GNA14: variants seen among roughly 807,000 people sequenced by gnomAD.
The protein encoded by GNA14 is G protein subunit alpha 14.
A neutral mutation model predicts 42.0 loss-of-function variants in GNA14; 50 were observed. That is an observed-to-expected ratio of 1.19 (90% confidence interval 0.95 to 1.51). The LOEUF is 1.51. Ranked by LOEUF, GNA14 falls within the 40% of genes most tolerant of loss-of-function variation. The pLI is 0.00. For missense variants in GNA14, 473 were observed against 446.2 expected, an observed-to-expected ratio of 1.06 and a Z score of -0.54; for synonymous variants, 173 against 163.1, an observed-to-expected ratio of 1.06 and a Z score of -0.46.
intron 2 of GNA14, among the ~76,000 whole-genome samples, chr9:77,440,896 A>C (rs1026424918): frequency 6.6e-6 from 1 of 152,174 alleles, no homozygotes; most frequent in Non-Finnish European, 1.5e-5. Flanking sequence ...TTGTATTTTT[A>C]GTAGAGATGG....
chr9:77,577,743 C>G (rs548743307), intron 1 of GNA14, among the ~76,000 whole-genome samples: 1 of 152,266 alleles, frequency 6.6e-6, no homozygotes, highest in African/African-American at 2.4e-5. Context: ...AGGAGGATGA[C>G]AGAAGGAGTT....
chr9:77,640,747 G>A (rs1170140254), intron 1 of GNA14, among the ~76,000 whole-genome samples: 2 of 150,334 alleles, frequency 1.3e-5, no homozygotes, highest in Non-Finnish European at 3.0e-5. Context: ...TTTTTTAAAA[G>A]ATCCAGTTCT....
rs543655303 is a variant in GNA14 at position 77,516,641 on chromosome 9, A to G, written c.309+12428T>C. On this transcript the variant is annotated intron_variant, in intron 2 of 6. Transcript: ENST00000341700. ...CTCGGGAAGCTAAGGTGGGAGAATCACTTGAATCTAGGAGGCGGAGGTTGC... is the reference window on the plus strand; with the variant it reads ...CTCGGGAAGCTAAGGTGGGAGAATCGCTTGAATCTAGGAGGCGGAGGTTGC... 5.3e-5 allele frequency among the ~76,000 whole-genome samples: 8 copies of G among 151,524 alleles called. No homozygotes were observed. In the East Asian group the frequency reaches 1.6e-3, roughly 30 times the overall value.
At chr9:77,490,360 T>A (rs573747848) in intron 2 of GNA14, among the ~76,000 whole-genome samples, 257 of 152,358 alleles carry the variant, frequency 1.7e-3, no homozygotes, top group African/African-American at 5.9e-3. Context: ...TGGAGCTGCC[T>A]GCCTGTCCCG....
At chr9:77,472,336 T>C (rs1307233931) in intron 2 of GNA14, among the ~76,000 whole-genome samples, 1 of 152,216 alleles carries the variant, frequency 6.6e-6, no homozygotes, top group Admixed American at 6.5e-5. Flanking sequence ...TCCCTGAATC[T>C]TTCATGGCAT....
intron 1 of GNA14, among the ~76,000 whole-genome samples, chr9:77,602,807 C>A (rs1256730149): frequency 6.6e-6 from 1 of 152,148 alleles, no homozygotes; most frequent in Non-Finnish European, 1.5e-5. Flanking sequence ...TGCAATTGCA[C>A]AGGGCTTCAT....
chr9:77,479,567 T>C (rs1836502643), intron 2 of GNA14, among the ~76,000 whole-genome samples: 1 of 152,208 alleles, frequency 6.6e-6, no homozygotes, highest in African/African-American at 2.4e-5. Flanking sequence ...AAGAAAGTCA[T>C]TGGTAGCTTG....
intron 2 of GNA14, among the ~76,000 whole-genome samples, chr9:77,451,709 G>C (rs1045016841): frequency 6.6e-6 from 1 of 152,146 alleles, no homozygotes; most frequent in African/African-American, 2.4e-5. Context: ...TTCCAGCTTG[G>C]GTGGACAAGC....
At chr9:77,578,218 G>C (rs1024162813) in intron 1 of GNA14, among the ~76,000 whole-genome samples, 4 of 152,220 alleles carry the variant, frequency 2.6e-5, no homozygotes, top group Non-Finnish European at 4.4e-5. Flanking sequence ...GGAGGTTGTA[G>C]TGAGCCGAGA....
chr9:77,620,831 G>A (rs1823909114), intron 1 of GNA14, among the ~76,000 whole-genome samples: 1 of 116,410 alleles, frequency 8.6e-6, no homozygotes, highest in Non-Finnish European at 1.6e-5. Flanking sequence ...CTGGGCAACA[G>A]AGGGAGAATC....
chr9:77,506,148 G>A (rs1837064879), intron 2 of GNA14, among the ~76,000 whole-genome samples: 1 of 151,690 alleles, frequency 6.6e-6, no homozygotes, highest in Admixed American at 6.6e-5. Flanking sequence ...CAGGCATGGT[G>A]GTGCATGCCT....
At chr9:77,646,222 G>C (rs1453248574) in intron 1 of GNA14, among the ~76,000 whole-genome samples, 2 of 152,298 alleles carry the variant, frequency 1.3e-5, no homozygotes, top group African/African-American at 4.8e-5. Context: ...ACATTTCCAA[G>C]CACTTTTACG....
intron 2 of GNA14, among the ~76,000 whole-genome samples, chr9:77,521,622 C>T (rs185349201): frequency 5.3e-5 from 8 of 152,158 alleles, no homozygotes; most frequent in Admixed American, 1.3e-4. Flanking sequence ...GAGACCTTAT[C>T]GAAGGGCTTT....
intron 2 of GNA14, among the ~76,000 whole-genome samples, chr9:77,493,022 A>G (rs376310357): frequency 1.3e-5 from 1 of 74,962 alleles, no homozygotes; most frequent in Non-Finnish European, 2.5e-5. Flanking sequence ...AAAAAAAAAA[A>G]AAAAATATAT....
chr9:77,561,377 AAAG>A (rs754050467), intron 1 of GNA14, among the ~76,000 whole-genome samples: 4 of 152,354 alleles, frequency 2.6e-5, no homozygotes, highest in Non-Finnish European at 4.4e-5. Context: ...ATATTTTAAA[AAAG>A]AAGAAGAGTG....
intron 2 of GNA14, among the ~76,000 whole-genome samples, chr9:77,487,336 G>C (rs1047421966): frequency 2.0e-5 from 3 of 152,208 alleles, no homozygotes; most frequent in Non-Finnish European, 4.4e-5. Flanking sequence ...AGACCATGGA[G>C]AAGGGGAATT....
chr9:77,534,546 A>G (rs987769370), intron 1 of GNA14, among the ~76,000 whole-genome samples: 12 of 152,200 alleles, frequency 7.9e-5, no homozygotes, highest in Non-Finnish European at 2.9e-5. Flanking sequence ...CCATCTCCCA[A>G]TTGTGATGTG....
intron 2 of GNA14, among the ~76,000 whole-genome samples, chr9:77,471,048 G>C (rs7047291): frequency 0.51 from 76,927 of 151,886 alleles, 20,085 homozygotes; most frequent in East Asian, 0.82. Context: ...TCACCTTTGA[G>C]ATGAGTTAAG....
intron 2 of GNA14, among the ~76,000 whole-genome samples, chr9:77,486,492 AG>A (rs1390729696): frequency 6.6e-6 from 1 of 152,204 alleles, no homozygotes; most frequent in Non-Finnish European, 1.5e-5. Flanking sequence ...ATTTCTTTGA[AG>A]AACTTTTCTT....
Sources: allele counts gnomAD v4.1 joint callset (sites outside exome capture counted in the v4.1 genomes callset), GRCh38; gene constraint gnomAD v4.1.1; transcripts MANE v1.5; gene names NCBI Gene and HGNC (gene_info 2026-07-23, HGNC 2026-07-21).